SEMA3E: variants seen among roughly 807,000 people sequenced by gnomAD.
SEMA3E encodes the protein semaphorin 3E.
In SEMA3E, 49 loss-of-function variants were observed where a neutral mutation model predicts 93.6. That is an observed-to-expected ratio of 0.52 (90% CI 0.42 to 0.66). The LOEUF is 0.66. Among genes scored for constraint, SEMA3E ranks in the 30% least tolerant of loss-of-function variants. SEMA3E has a pLI of 0.00. For synonymous variants in SEMA3E, 363 were observed against 330.7 expected (o/e 1.10, Z -1.06); for missense variants, 906 against 964.8 (o/e 0.94, Z 0.81).
At chr7:83,370,405 T>G (rs977951367) in intron 16 of SEMA3E, among the ~76,000 whole-genome samples, 7 of 152,188 alleles carry the variant, frequency 4.6e-5, no homozygotes, top group African/African-American at 1.7e-4. Context: ...TCTCATTATA[T>G]GCTATCACAA....
intron 5 of SEMA3E, among the ~76,000 whole-genome samples, chr7:83,411,439 G>A (rs1416660391): frequency 6.6e-6 from 1 of 152,048 alleles, no homozygotes; most frequent in East Asian, 1.9e-4. Flanking sequence ...TCAGAAGGGA[G>A]AGATATTCCT....
chr7:83,394,354 A>G lies in SEMA3E; in HGVS notation c.1459-16T>C. The G allele has an allele frequency of 3.1e-6, 5 of 1,608,126 alleles. No individual in the cohort carries two copies. The highest frequency in any genetic ancestry group is 4.3e-6 in the Non-Finnish European group (5 of 1,175,818). ...GAACTGGATCCTGAAATTTTAAAAA[A>G]GTTTTCATTTTTAAGAAAACAGTAT... On this transcript the variant is annotated splice_polypyrimidine_tract_variant and intron_variant, in intron 12 of 16. Coordinates refer to ENST00000643230, the MANE Select transcript of SEMA3E (RefSeq NM_012431.3).
chr7:83,630,085 C>A (rs1793756612), intron 1 of SEMA3E, among the ~76,000 whole-genome samples: 1 of 152,134 alleles, frequency 6.6e-6, no homozygotes, highest in South Asian at 2.1e-4. Flanking sequence ...AACACCCCAC[C>A]CTGCTTCGGC....
chr7:83,646,757 CTT>C (rs931103473), intron 1 of SEMA3E, among the ~76,000 whole-genome samples: 6 of 151,888 alleles, frequency 4.0e-5, no homozygotes, highest in African/African-American at 1.5e-4. Context: ...TATCAGAGAA[CTT>C]TGGTATTTTT....
chr7:83,529,117 T>C (rs1001189385), intron 1 of SEMA3E, among the ~76,000 whole-genome samples: 3 of 152,116 alleles, frequency 2.0e-5, no homozygotes, highest in Admixed American at 6.5e-5. Context: ...GTGTTTAAAA[T>C]AGTAATTAAA....
intron 1 of SEMA3E, among the ~76,000 whole-genome samples, chr7:83,537,219 G>A (rs1322298377): frequency 6.6e-6 from 1 of 152,136 alleles, no homozygotes; most frequent in Non-Finnish European, 1.5e-5. Flanking sequence ...ATACATATCT[G>A]TTGTTTGAGG....
chr7:83,423,818 T>A (rs1788718234), intron 4 of SEMA3E, among the ~76,000 whole-genome samples: 1 of 152,008 alleles, frequency 6.6e-6, no homozygotes, highest in Admixed American at 6.6e-5. Context: ...GCCTCGATTT[T>A]AAAAATAGGG....
chr7:83,405,501 G>C lies in SEMA3E; in HGVS notation c.947C>G (p.Pro316Arg). The C allele has an allele frequency of 6.2e-7, 1 of 1,612,924 alleles. No individual in the cohort carries two copies. The highest frequency in any genetic ancestry group is 1.1e-5 in the South Asian group (1 of 91,066). Residue 316 changes from proline to arginine, a missense_variant, in exon 9 of 17, where the codon CCT (proline) becomes CGT (arginine). Physicochemically the swap from Pro to Arg is moderately radical, Grantham distance 103. Transcript: ENST00000643230. Reference sequence around the variant, plus strand: ...CACTGGATTCTTATGATCTCTGGTAGGTAGCAAAAAAACGTCCTCTGAAAA... The same window carrying C: ...CACTGGATTCTTATGATCTCTGGTACGTAGCAAAAAAACGTCCTCTGAAAA... ...FDELEDVFLL[P>R]TRDHKNPVIF... is the part of the protein sequence containing the mutation.
intron 1 of SEMA3E, among the ~76,000 whole-genome samples, chr7:83,582,696 T>G (rs1390058668): frequency 6.6e-6 from 1 of 152,150 alleles, no homozygotes. Context: ...AATTGTCCAG[T>G]TATAGGAATT....
Position 83,364,212 on chromosome 7 carries a change from G to A in SEMA3E, c.*3374C>T, listed in dbSNP as rs986444160. 6.6e-6 allele frequency: 1 copy of A among 152,018 alleles called. No individual in the cohort carries two copies. The highest frequency in any genetic ancestry group is 1.5e-5 in the Non-Finnish European group (1 of 68,040). 9.4% of individuals were successfully genotyped at this position (152,018 alleles called of 1,614,324 possible). ...CCCGGCCAGGTCAATTCATTTTTAAGGACAACAGCTGCTGTTTGTTTCATG... is the reference window on the plus strand; with the variant it reads ...CCCGGCCAGGTCAATTCATTTTTAAAGACAACAGCTGCTGTTTGTTTCATG... On this transcript the variant is annotated 3_prime_UTR_variant, in exon 17 of 17. Transcript: ENST00000643230.
intron 1 of SEMA3E, among the ~76,000 whole-genome samples, chr7:83,540,368 G>T (rs571100164): frequency 6.7e-6 from 1 of 148,456 alleles, no homozygotes; most frequent in African/African-American, 2.4e-5. Flanking sequence ...AAATTAAACA[G>T]TACTACTGGT....
At position 83,453,582 on chromosome 7, in the gene SEMA3E, CAT is replaced by C. The variant is rs1404139163; in HGVS notation, c.456+12898_456+12899del. On this transcript the variant is annotated intron_variant, in intron 4 of 16. Coordinates refer to ENST00000643230, the MANE Select transcript of SEMA3E (RefSeq NM_012431.3). ...CTCATAGACTGAGACCAAAACAAAA[CAT>C]ATTCTGACTTCATAGGGGAATACTC... Among the ~76,000 whole-genome samples, 5 of 152,198 alleles carry C rather than the reference CAT, an allele frequency of 3.3e-5. No homozygotes were observed. The South Asian group carries it at 8.3e-4, about 25-fold the overall frequency.
At chr7:83,390,408 T>A (rs1052220848) in intron 14 of SEMA3E, among the ~76,000 whole-genome samples, 1 of 151,880 alleles carries the variant, frequency 6.6e-6, no homozygotes, top group Non-Finnish European at 1.5e-5. Flanking sequence ...ACACTGGAAA[T>A]AGACAAAATA....
intron 14 of SEMA3E, among the ~76,000 whole-genome samples, 198 bp from the exon 15 acceptor site, chr7:83,387,248 C>T (rs1352754527): frequency 2.0e-5 from 3 of 152,066 alleles, no homozygotes; most frequent in African/African-American, 7.2e-5. Flanking sequence ...ATCTATGTTA[C>T]CCTGTTCTTT....
At chr7:83,432,433 A>T (rs1562780072) in intron 4 of SEMA3E, among the ~76,000 whole-genome samples, 1 of 152,218 alleles carries the variant, frequency 6.6e-6, no homozygotes, top group African/African-American at 2.4e-5. Context: ...GAGTGAAAGA[A>T]TGTTAACAGA....
chr7:83,519,113 C>T (rs1055582549), intron 1 of SEMA3E, among the ~76,000 whole-genome samples: 1 of 151,788 alleles, frequency 6.6e-6, no homozygotes, highest in Admixed American at 6.6e-5. Flanking sequence ...TAAAGCTATC[C>T]CTCCCCGCTA....
intron 16 of SEMA3E, among the ~76,000 whole-genome samples, chr7:83,378,902 AC>A (rs765387026): frequency 1.1e-4 from 17 of 151,854 alleles, no homozygotes; most frequent in Non-Finnish European, 2.1e-4. Context: ...CTAGGAATAT[AC>A]CTAAAGGGAA....
intron 1 of SEMA3E, among the ~76,000 whole-genome samples, chr7:83,554,864 C>A (rs1412490472): frequency 6.6e-6 from 1 of 151,986 alleles, no homozygotes; most frequent in Non-Finnish European, 1.5e-5. Context: ...GTAGTCCCAG[C>A]TACTAGGGAG....
intron 1 of SEMA3E, among the ~76,000 whole-genome samples, chr7:83,520,274 G>T (rs1266883953): frequency 1.3e-5 from 2 of 152,038 alleles, no homozygotes; most frequent in Non-Finnish European, 2.9e-5. Flanking sequence ...TAGGAGATTG[G>T]GGAATCTCAA....
Sources: allele counts gnomAD v4.1 joint callset (sites outside exome capture counted in the v4.1 genomes callset), GRCh38; gene constraint gnomAD v4.1.1; transcripts MANE v1.5; gene names NCBI Gene and HGNC (gene_info 2026-07-23, HGNC 2026-07-21).